ARHGEF33: variants seen among roughly 807,000 people sequenced by gnomAD.
ARHGEF33 encodes the protein DH and coiled-coil domain-containing protein ENSP00000381780.
Under a neutral mutation model 101.9 loss-of-function variants are expected in ARHGEF33, and 72 were observed. The observed-to-expected ratio is 0.71, with a 90% CI of 0.58 to 0.86. ARHGEF33 has a LOEUF of 0.86. Ranked by LOEUF, ARHGEF33 falls within the 40% of genes least tolerant of loss-of-function variation. The probability of loss-of-function intolerance (pLI) is 0.00; values close to 1 mark genes in which losing one functional copy is unlikely to be tolerated. For synonymous variants in ARHGEF33, 499 were observed against 442.5 expected (o/e 1.13, Z -1.60); for missense variants, 1,169 against 1,111.3 (o/e 1.05, Z -0.74).
chr2:38,949,140 T>C (rs1337338671), intron 10 of ARHGEF33, among the ~76,000 whole-genome samples: 1 of 152,108 alleles, frequency 6.6e-6, no homozygotes, highest in Non-Finnish European at 1.5e-5. Flanking sequence ...TGCTTGGAAA[T>C]GAGTTGAAAA....
chr2:38,933,236 C>T (rs1412810392), intron 7 of ARHGEF33, among the ~76,000 whole-genome samples: 2 of 152,178 alleles, frequency 1.3e-5, no homozygotes, highest in Non-Finnish European at 2.9e-5. Context: ...CTATACCAAG[C>T]TTATCACCTG....
At chr2:38,957,616 G>C (rs947556572) in intron 14 of ARHGEF33, among the ~76,000 whole-genome samples, 5 of 152,196 alleles carry the variant, frequency 3.3e-5, no homozygotes, top group African/African-American at 9.6e-5. Flanking sequence ...AGGAAGTGTG[G>C]ATTAGGGAGG....
At chr2:38,891,687 C>G (rs1666008717) in intron 1 of ARHGEF33, among the ~76,000 whole-genome samples, 3 of 152,176 alleles carry the variant, frequency 2.0e-5, no homozygotes, top group Admixed American at 2.0e-4. Context: ...ATTCATAATT[C>G]TTGCTAATCT....
chr2:38,940,835 T>C (rs1225142477), intron 9 of ARHGEF33, among the ~76,000 whole-genome samples: 1 of 152,202 alleles, frequency 6.6e-6, no homozygotes, highest in East Asian at 1.9e-4. Context: ...GGACTTTTTT[T>C]AAGGATAATT....
chr2:38,958,657 A>T (rs1667835591), intron 15 of ARHGEF33, among the ~76,000 whole-genome samples: 1 of 152,166 alleles, frequency 6.6e-6, no homozygotes, highest in South Asian at 2.1e-4. Context: ...CCTAATTTTC[A>T]TTTTCAGACC....
chr2:38,937,450 AGAATGGGGT>A lies in ARHGEF33; in HGVS notation c.685_693del (p.Trp229_Glu231del). ...TGTGGAGGCAGCCTAAGGATGGTAA[AGAATGGGGT>A]GAAGAATACGTCACAAAAGACCACC... On this transcript the variant is annotated inframe_deletion, in exon 9 of 18. Transcript: ENST00000409978. The A allele has an allele frequency of 6.4e-7, 1 of 1,550,620 alleles. No individual in the cohort carries two copies. Among genetic ancestry groups the A allele is most frequent in the Non-Finnish European group, 8.7e-7 (1 of 1,146,242 alleles).
chr2:38,928,735 A>G (rs1388255146), intron 4 of ARHGEF33, 172 bp from the exon 5 acceptor site: 1 of 497,892 alleles, frequency 2.0e-6, no homozygotes, highest in African/African-American at 2.0e-5. Flanking sequence ...TCTTTTTCTT[A>G]GATAAATGGG....
intron 15 of ARHGEF33, 43 bp from the exon 16 acceptor site, chr2:38,959,798 G>A: frequency 6.7e-7 from 1 of 1,485,252 alleles, no homozygotes; most frequent in Non-Finnish European, 9.0e-7. Flanking sequence ...TGCACTAACC[G>A]GCCGTAAGCA....
intron 2 of ARHGEF33, among the ~76,000 whole-genome samples, chr2:38,899,597 A>C (rs900615394): frequency 6.6e-6 from 1 of 152,162 alleles, no homozygotes; most frequent in Non-Finnish European, 1.5e-5. Flanking sequence ...CAAAGGGTAC[A>C]CATTTCAGTA....
intron 2 of ARHGEF33, among the ~76,000 whole-genome samples, chr2:38,912,023 C>T (rs1193630267): frequency 6.6e-6 from 1 of 152,228 alleles, no homozygotes; most frequent in Non-Finnish European, 1.5e-5. Context: ...TCAAGACAGA[C>T]TCAAGAAAGC....
intron 17 of ARHGEF33, among the ~76,000 whole-genome samples, chr2:38,972,859 A>T (rs1406007148): frequency 6.6e-6 from 1 of 152,202 alleles, no homozygotes; most frequent in African/African-American, 2.4e-5. Context: ...TTCATGTCTA[A>T]CATCACTTTC....
At position 38,973,935 on chromosome 2, in the gene ARHGEF33, T is replaced by G. The variant is rs1668221526; in HGVS notation, c.*92T>G. On this transcript the variant is annotated 3_prime_UTR_variant, in exon 18 of 18. Transcript: ENST00000409978. Reference sequence around the variant, plus strand: ...GAATATATATATATATCTATATCTATATATATATATATATCGATGTATAAA... The same window carrying G: ...GAATATATATATATATCTATATCTAGATATATATATATATCGATGTATAAA... 4 of 658,242 alleles carry G rather than the reference T, an allele frequency of 6.1e-6. No individual in the cohort carries two copies. Among genetic ancestry groups the G allele is most frequent in the African/African-American group, 2.0e-5 (1 of 50,138 alleles). 40.8% of individuals were successfully genotyped at this position (658,242 alleles called of 1,614,324 possible).
At chr2:38,959,753 G>A (rs764940485) in intron 15 of ARHGEF33, 88 bp from the exon 16 acceptor site, 3 of 1,384,078 alleles carry the variant, frequency 2.2e-6, no homozygotes, top group Non-Finnish European at 2.9e-6. Context: ...GCGCCTCGGA[G>A]CGCGGCCCCG....
chr2:38,890,136 A>C lies in ARHGEF33; in HGVS notation c.-159+150A>C, dbSNP rs1665964234. 4 of 207,744 alleles carry C rather than the reference A, an allele frequency of 1.9e-5. No homozygotes were observed. The South Asian group carries it at 2.7e-4, about 14-fold the overall frequency. 12.9% of individuals were successfully genotyped at this position (207,744 alleles called of 1,614,324 possible). The stretch of plus-strand genomic sequence containing the variant: ...TTTGAGGTAGGCATTCAAAGAAATA[A>C]CTTTTATTTAAGAGTTATAACAATT... On this transcript the variant is annotated intron_variant, in intron 1 of 17. Transcript: ENST00000409978.
At chr2:38,958,641 G>A (rs764668440) in intron 15 of ARHGEF33, among the ~76,000 whole-genome samples, 1 of 152,206 alleles carries the variant, frequency 6.6e-6, no homozygotes, top group Non-Finnish European at 1.5e-5. Context: ...ACATGTTAAC[G>A]TGAGACCTAA....
At chr2:38,934,271 C>G (rs957824191) in intron 7 of ARHGEF33, among the ~76,000 whole-genome samples, 1 of 152,168 alleles carries the variant, frequency 6.6e-6, no homozygotes, top group South Asian at 2.1e-4. Context: ...TTCTTAGATT[C>G]TCTTTGATTC....
intron 3 of ARHGEF33, 61 bp downstream of exon 3, chr2:38,919,533 T>C: frequency 6.7e-7 from 1 of 1,493,946 alleles, no homozygotes; most frequent in Non-Finnish European, 9.1e-7. Context: ...GGTTTTTGTC[T>C]TGTCTTACCA....
chr2:38,960,561 C>G lies in ARHGEF33; in HGVS notation c.2256C>G (p.Ala752=). ...CGCAGGCGCACGGCCCGGCCGCCGC[C>G]GCCGTCGCCGCCCGCGGCGCATCCA... ...RAAQAHGPAA[A]AVAARGASRT... is the part of the protein sequence containing the mutation. Residue 752 remains alanine, a synonymous_variant, in exon 16 of 18, where the codon GCC becomes GCG. Coordinates refer to ENST00000409978, the MANE Select transcript of ARHGEF33 (RefSeq NM_001145451.5). 7.9e-7 allele frequency: 1 copy of G among 1,271,910 alleles called. No individual in the cohort carries two copies. Among genetic ancestry groups the G allele is most frequent in the Non-Finnish European group, 1.0e-6 (1 of 992,512 alleles). The allele number at this position is 1,271,910 out of a possible 1,614,324, so 78.8% of individuals were successfully genotyped here.
rs532453477 is a variant in ARHGEF33, at chr2:38,973,852, T to TA, written c.*12dup. 3.2e-6 allele frequency: 5 copies of TA among 1,540,822 alleles called. No individual in the cohort carries two copies. The highest frequency in any genetic ancestry group is 4.4e-6 in the Non-Finnish European group (5 of 1,142,386). On this transcript the variant is annotated 3_prime_UTR_variant, in exon 18 of 18. Coordinates refer to ENST00000409978, the MANE Select transcript of ARHGEF33 (RefSeq NM_001145451.5). ...AAGGAACAGCTGTGTAAAACATACT[T>TA]AAAGTTGTATTGTCAAGTGGTAAGA...
Sources: gnomAD v4.1 joint callset for allele counts (sites outside exome capture counted in the v4.1 genomes callset) on GRCh38, gnomAD v4.1.1 for gene constraint, MANE v1.5 for transcripts, NCBI Gene and HGNC (gene_info 2026-07-23, HGNC 2026-07-21) for gene names.